PAN3: variants seen among roughly 807,000 people sequenced by gnomAD.
The protein encoded by PAN3 is poly(A) specific ribonuclease subunit PAN3, also known as PAN2-PAN3 deadenylation complex subunit PAN3.
In PAN3, 19 loss-of-function variants were observed where a neutral mutation model predicts 96.2. That is an observed-to-expected ratio of 0.20 (90% confidence interval 0.14 to 0.29). The LOEUF is 0.29. Ranked by LOEUF, PAN3 falls within the 10% of genes least tolerant of loss-of-function variation. The pLI, the probability that PAN3 is intolerant of heterozygous loss-of-function variation, is 1.00. For missense variants in PAN3, 882 were observed against 1,108.1 expected (o/e 0.80, Z 2.90); for synonymous variants, 433 against 406.6 (o/e 1.06, Z -0.78).
intron 6 of PAN3, among the ~76,000 whole-genome samples, chr13:28,242,811 C>T (rs1425244946): frequency 1.3e-5 from 2 of 152,134 alleles, no homozygotes; most frequent in East Asian, 3.8e-4. Context: ...TCTCCCTCTC[C>T]AGTTGTTCCC....
chr13:28,164,741 A>T (rs1873321556), intron 1 of PAN3, among the ~76,000 whole-genome samples: 1 of 152,212 alleles, frequency 6.6e-6, no homozygotes, highest in African/African-American at 2.4e-5. Flanking sequence ...TGACCTTTTG[A>T]GTAACACTGC....
At chr13:28,242,217 A>G (rs769130917) in intron 6 of PAN3, among the ~76,000 whole-genome samples, 1 of 152,054 alleles carries the variant, frequency 6.6e-6, no homozygotes, top group Non-Finnish European at 1.5e-5. Flanking sequence ...TAGCATGATC[A>G]TTTACTTTTC....
chr13:28,235,559 T>G (rs778866031), intron 6 of PAN3, among the ~76,000 whole-genome samples: 82 of 152,198 alleles, frequency 5.4e-4, no homozygotes, highest in Non-Finnish European at 4.7e-4. Context: ...ATTGATTAGG[T>G]CAAATGTCAT....
chr13:28,154,883 C>T (rs1160555425), intron 1 of PAN3, among the ~76,000 whole-genome samples: 9 of 149,560 alleles, frequency 6.0e-5, no homozygotes, highest in South Asian at 2.1e-4. Flanking sequence ...TGCAGTGGCG[C>T]GATCTCGGCT....
intron 6 of PAN3, chr13:28,239,894 A>G (rs549608476): frequency 4.5e-5 from 14 of 314,444 alleles, no homozygotes; most frequent in South Asian, 3.8e-4. Context: ...TTTTGCCAGC[A>G]AGAATTTGTA....
At chr13:28,140,588 C>T (rs1869614819) in intron 1 of PAN3, among the ~76,000 whole-genome samples, 1 of 152,138 alleles carries the variant, frequency 6.6e-6, no homozygotes, top group Admixed American at 6.6e-5. Flanking sequence ...TCCTATGTTG[C>T]CCAAGCTGGC....
intron 4 of PAN3, among the ~76,000 whole-genome samples, chr13:28,185,736 T>G (rs1290398015): frequency 6.6e-6 from 1 of 152,190 alleles, no homozygotes; most frequent in Non-Finnish European, 1.5e-5. Flanking sequence ...CATCTAATTT[T>G]ATAGCTTTGA....
chr13:28,143,902 A>G (rs1345378002), intron 1 of PAN3, among the ~76,000 whole-genome samples: 1 of 152,220 alleles, frequency 6.6e-6, no homozygotes, highest in Non-Finnish European at 1.5e-5. Flanking sequence ...TGTTTAAGCC[A>G]AGACTAGCCT....
At chr13:28,243,743 T>C (rs7984418) in intron 6 of PAN3, among the ~76,000 whole-genome samples, 151,914 of 152,274 alleles carry the variant, frequency 1, 75,778 homozygotes, top group Middle Eastern at 1. Flanking sequence ...GGCTGGAGTG[T>C]AGTGGCATGA....
rs35597675 is a variant in PAN3, at chr13:28,193,736, T to TAAA, written c.691-3431_691-3429dup. 4.4e-3 allele frequency among the ~76,000 whole-genome samples: 478 copies of TAAA among 108,102 alleles called. 7 individuals carry two copies. The highest frequency in any genetic ancestry group is 0.018 in the African/African-American group (458 of 25,460). 70.9% of individuals were successfully genotyped at this position (108,102 alleles called of 152,430 possible). Reference sequence around the variant, plus strand: ...CCAGCCTGGGAGTGAGACCCTGACTTAAAAAAAAAAAAAAAAAAAACCCAA... The same window carrying TAAA: ...CCAGCCTGGGAGTGAGACCCTGACTTAAAAAAAAAAAAAAAAAAAAAAACCCAA... On this transcript the variant is annotated intron_variant, in intron 4 of 18. Coordinates refer to ENST00000380958, the MANE Select transcript of PAN3 (RefSeq NM_175854.8).
In PAN3 at chr13:28,271,498, C is replaced by A. The variant is rs1022178202; in HGVS notation, c.1959-483C>A. Among the ~76,000 whole-genome samples, 5 of 152,184 alleles carry A rather than the reference C, an allele frequency of 3.3e-5. No homozygotes were observed. In the East Asian group the frequency reaches 7.7e-4, roughly 23 times the overall value. ...CGATATGCCGTTGAACAAGTTACTTCTTCAAATTGTGTTTTGACAACCTTA... is the reference window on the plus strand; with the variant it reads ...CGATATGCCGTTGAACAAGTTACTTATTCAAATTGTGTTTTGACAACCTTA... On this transcript the variant is annotated intron_variant, in intron 13 of 18. Transcript: ENST00000380958.
chr13:28,292,555 A>G lies in PAN3; in HGVS notation c.*33A>G, dbSNP rs1196297132. 1 of 1,584,318 alleles carries G rather than the reference A, an allele frequency of 6.3e-7. No homozygotes were observed. The highest frequency in any genetic ancestry group is 1.8e-5 in the Admixed American group (1 of 55,452). ...TAAAAAAGCACGCAGGACATGGCTAAAGACCTTAACCAATAGCAAATTGCA... is the reference window on the plus strand; with the variant it reads ...TAAAAAAGCACGCAGGACATGGCTAGAGACCTTAACCAATAGCAAATTGCA... On this transcript the variant is annotated 3_prime_UTR_variant, in exon 19 of 19. Coordinates refer to ENST00000380958, the MANE Select transcript of PAN3 (RefSeq NM_175854.8).
At chr13:28,247,173 T>C (rs528248398) in intron 6 of PAN3, among the ~76,000 whole-genome samples, 83 of 149,914 alleles carry the variant, frequency 5.5e-4, no homozygotes, top group African/African-American at 1.8e-3. Flanking sequence ...TGATTAATAA[T>C]GCTGGACTTT....
intron 1 of PAN3, among the ~76,000 whole-genome samples, chr13:28,139,514 T>TGTGTGTGTGTGTGTG (rs1869353072): frequency 1.1e-5 from 1 of 93,100 alleles, no homozygotes; most frequent in African/African-American, 5.2e-5. Flanking sequence ...AGGGGTGTGT[T>TGTGTGTGTGTGTGTG]TGTGTGTGTG....
At chr13:28,147,773 G>A (rs1217597106) in intron 1 of PAN3, among the ~76,000 whole-genome samples, 1 of 152,058 alleles carries the variant, frequency 6.6e-6, no homozygotes, top group Non-Finnish European at 1.5e-5. Flanking sequence ...AGTCAGTTGG[G>A]AATTGTCTAA....
chr13:28,282,030 C>G (rs1034550525), intron 17 of PAN3, among the ~76,000 whole-genome samples: 1 of 152,264 alleles, frequency 6.6e-6, no homozygotes, highest in East Asian at 1.9e-4. Flanking sequence ...CCTGCCTTGG[C>G]CTCCCAAAGT....
At chr13:28,277,026 T>A (rs1003545634) in intron 14 of PAN3, among the ~76,000 whole-genome samples, 1 of 152,180 alleles carries the variant, frequency 6.6e-6, no homozygotes, top group Non-Finnish European at 1.5e-5. Flanking sequence ...TTGAGCCATT[T>A]TCTGGACCCA....
intron 1 of PAN3, among the ~76,000 whole-genome samples, chr13:28,140,419 T>A (rs755830023): frequency 1.3e-5 from 2 of 151,360 alleles, no homozygotes; most frequent in Non-Finnish European, 2.9e-5. Context: ...TAAAATAATC[T>A]GATAGGCAGT....
chr13:28,238,745 T>A (rs1883329908), intron 6 of PAN3, among the ~76,000 whole-genome samples: 2 of 152,198 alleles, frequency 1.3e-5, no homozygotes, highest in Admixed American at 1.3e-4. Context: ...AAAAATGATG[T>A]TTCAGTGTTA....
Sources: gnomAD v4.1 joint callset for allele counts (sites outside exome capture counted in the v4.1 genomes callset) on GRCh38, gnomAD v4.1.1 for gene constraint, MANE v1.5 for transcripts, NCBI Gene and HGNC (gene_info 2026-07-23, HGNC 2026-07-21) for gene names.